The following SLC24A2 variants were observed in gnomAD, a reference collection of about 807,000 sequenced individuals.
SLC24A2 encodes the protein sodium/potassium/calcium exchanger 2.
SLC24A2 carries 36 observed loss-of-function variants against 62.0 expected under a neutral mutation model. That is an observed-to-expected ratio of 0.58 (90% CI 0.44 to 0.77). The LOEUF (loss-of-function observed/expected upper bound fraction) is 0.77. Among genes scored for constraint, SLC24A2 ranks in the 30% least tolerant of loss-of-function variants. The pLI, the probability that SLC24A2 is intolerant of heterozygous loss-of-function variation, is 0.00. For missense variants in SLC24A2, 846 were observed against 817.9 expected, an observed-to-expected ratio of 1.03 and a Z score of -0.42; for synonymous variants, 358 against 294.0, an observed-to-expected ratio of 1.22 and a Z score of -2.23.
At chr9:19,752,245 A>G (rs1159086804) in intron 2 of SLC24A2, among the ~76,000 whole-genome samples, 1 of 152,062 alleles carries the variant, frequency 6.6e-6, no homozygotes, top group Admixed American at 6.6e-5. Flanking sequence ...TTCTTGGTAG[A>G]TAGAAATATA....
At chr9:19,649,244 G>A (rs189676559) in intron 2 of SLC24A2, among the ~76,000 whole-genome samples, 6 of 152,164 alleles carry the variant, frequency 3.9e-5, no homozygotes, top group African/African-American at 9.6e-5. Context: ...TTGAGATGAC[G>A]GAGTAGGCTC....
At chr9:19,863,927 A>G in the SLC24A2 span, among the ~76,000 whole-genome samples, 1 of 151,928 alleles carries the variant, frequency 6.6e-6, no homozygotes, top group Admixed American at 6.6e-5. Flanking sequence ...GTTAAACAAA[A>G]TTGACAGACT....
chr9:20,006,233 C>T, the SLC24A2 span, among the ~76,000 whole-genome samples: 1 of 151,562 alleles, frequency 6.6e-6, no homozygotes, highest in African/African-American at 2.4e-5. Context: ...AATTTATCTA[C>T]TTTCTATATT....
At chr9:19,524,102 C>A (rs112755870) in intron 9 of SLC24A2, among the ~76,000 whole-genome samples, 1 of 96,610 alleles carries the variant, frequency 1.0e-5, no homozygotes, top group Non-Finnish European at 2.0e-5. Flanking sequence ...ATAGAAAGAA[C>A]ATCAGCAGTC....
At chr9:19,829,802 TATATATATACACACACAC>T in the SLC24A2 span, among the ~76,000 whole-genome samples, 6,422 of 33,152 alleles carry the variant, frequency 0.19, 182 homozygotes, top group Non-Finnish European at 0.34. Flanking sequence ...TGTGTGTATA[TATATATATACACACACAC>T]ACACACACAC....
intron 2 of SLC24A2, among the ~76,000 whole-genome samples, chr9:19,737,705 T>G (rs1320051202): frequency 6.6e-6 from 1 of 152,148 alleles, no homozygotes; most frequent in South Asian, 2.1e-4. Flanking sequence ...ATATTCAACA[T>G]TATACGTTAA....
the SLC24A2 span, among the ~76,000 whole-genome samples, chr9:20,277,335 A>G: frequency 6.6e-6 from 1 of 151,816 alleles, no homozygotes; most frequent in Non-Finnish European, 1.5e-5. Flanking sequence ...CAATCTACCC[A>G]TCTGACAAAG....
At chr9:19,815,668 G>A in the SLC24A2 span, among the ~76,000 whole-genome samples, 4 of 152,000 alleles carry the variant, frequency 2.6e-5, no homozygotes, top group Non-Finnish European at 5.9e-5. Context: ...AAGAGTCACC[G>A]GCTCTTAAAT....
At chr9:20,101,955 G>A in the SLC24A2 span, among the ~76,000 whole-genome samples, 1 of 152,124 alleles carries the variant, frequency 6.6e-6, no homozygotes, top group African/African-American at 2.4e-5. Context: ...TGGAGAGAAA[G>A]ATCTCTTTTT....
the SLC24A2 span, among the ~76,000 whole-genome samples, chr9:20,099,713 A>C: frequency 4.5e-4 from 69 of 152,326 alleles, no homozygotes; most frequent in African/African-American, 1.6e-3. Context: ...TCCTGCCTCC[A>C]AAGTAGACTA....
the SLC24A2 span, among the ~76,000 whole-genome samples, chr9:19,892,444 A>G: frequency 6.6e-6 from 1 of 152,194 alleles, no homozygotes; most frequent in Non-Finnish European, 1.5e-5. Context: ...TGTTCTTCAC[A>G]ATATTCTTAG....
chr9:20,160,215 A>T, the SLC24A2 span, among the ~76,000 whole-genome samples: 2 of 151,460 alleles, frequency 1.3e-5, no homozygotes, highest in Admixed American at 1.3e-4. Flanking sequence ...TTATAGTGCT[A>T]AAAGCTGCAA....
intron 2 of SLC24A2, among the ~76,000 whole-genome samples, chr9:19,772,063 A>G (rs983491743): frequency 6.6e-6 from 1 of 152,216 alleles, no homozygotes; most frequent in African/African-American, 2.4e-5. Context: ...CTTCTGGGCA[A>G]GAAGTAGGGA....
At chr9:20,252,725 T>C in the SLC24A2 span, among the ~76,000 whole-genome samples, 1 of 152,198 alleles carries the variant, frequency 6.6e-6, no homozygotes. Context: ...AATTGGCAGT[T>C]GTTGTTGTTG....
chr9:19,839,180 A>G, the SLC24A2 span, among the ~76,000 whole-genome samples: 3 of 152,238 alleles, frequency 2.0e-5, no homozygotes, highest in African/African-American at 4.8e-5. Context: ...GCAAATGAAA[A>G]CCACAATGAG....
the SLC24A2 span, among the ~76,000 whole-genome samples, chr9:20,165,694 C>A: frequency 6.6e-6 from 1 of 151,738 alleles, no homozygotes; most frequent in Non-Finnish European, 1.5e-5. Flanking sequence ...AGTACTAGAA[C>A]AAAACCTAAT....
intron 5 of SLC24A2, among the ~76,000 whole-genome samples, chr9:19,578,474 A>C (rs913948004): frequency 2.6e-5 from 4 of 151,396 alleles, no homozygotes; most frequent in African/African-American, 9.7e-5. Context: ...AAAAATTCTC[A>C]TTTTAAACTG....
the SLC24A2 span, among the ~76,000 whole-genome samples, chr9:19,910,855 T>C: frequency 1.3e-5 from 2 of 151,838 alleles, no homozygotes; most frequent in Non-Finnish European, 2.9e-5. Flanking sequence ...TATAGCTCTC[T>C]GTTCTATCTT....
At chr9:20,254,247 C>G in the SLC24A2 span, among the ~76,000 whole-genome samples, 6 of 152,162 alleles carry the variant, frequency 3.9e-5, no homozygotes, top group Non-Finnish European at 7.3e-5. Context: ...CTCTATTATG[C>G]CTCTGTTTGG....
Sources: gnomAD v4.1 joint callset for allele counts (sites outside exome capture counted in the v4.1 genomes callset) on GRCh38, gnomAD v4.1.1 for gene constraint, MANE v1.5 for transcripts, NCBI Gene and HGNC (gene_info 2026-07-23, HGNC 2026-07-21) for gene names.